Variants in SQOR observed in about 807,000 individuals in gnomAD.
The protein encoded by SQOR is sulfide quinone oxidoreductase.
SQOR carries 39 observed loss-of-function variants against 48.6 expected under a neutral mutation model. The observed-to-expected ratio is 0.80, with a 90% CI of 0.62 to 1.05. The LOEUF is 1.05. Ranked by LOEUF, SQOR falls within the 50% of genes least tolerant of loss-of-function variation. The pLI, the probability that SQOR is intolerant of heterozygous loss-of-function variation, is 0.00. For missense variants in SQOR, 561 were observed against 559.9 expected (o/e 1.00, Z -0.02); for synonymous variants, 220 against 206.2 (o/e 1.07, Z -0.57).
chr15:45,684,198 C>T (rs1338121425), intron 7 of SQOR, among the ~76,000 whole-genome samples: 1 of 152,204 alleles, frequency 6.6e-6, no homozygotes, highest in Non-Finnish European at 1.5e-5. Flanking sequence ...CAGGCGTGAG[C>T]CACCACGCCC....
intron 3 of SQOR, among the ~76,000 whole-genome samples, chr15:45,669,240 G>A (rs776695172): frequency 2.0e-5 from 3 of 150,512 alleles, no homozygotes; most frequent in Non-Finnish European, 4.4e-5. Context: ...TGTGATCTCT[G>A]CTCACTGCAA....
At chr15:45,636,208 AT>A (rs1895002325) in intron 1 of SQOR, among the ~76,000 whole-genome samples, 1 of 152,154 alleles carries the variant, frequency 6.6e-6, no homozygotes, top group Non-Finnish European at 1.5e-5. Context: ...ATGTCAAAAC[AT>A]TAAAAGAATT....
intron 1 of SQOR, among the ~76,000 whole-genome samples, chr15:45,655,776 C>T (rs141732842): frequency 0.017 from 2,511 of 151,524 alleles, 30 homozygotes; most frequent in Middle Eastern, 0.037. Context: ...CTTCGCCTCA[C>T]GGGTTCAAGT....
chr15:45,657,261 C>G (rs1278047741), intron 1 of SQOR, among the ~76,000 whole-genome samples: 1 of 104,482 alleles, frequency 9.6e-6, no homozygotes, highest in East Asian at 2.9e-4. Flanking sequence ...CGTGTGGAGC[C>G]TGCATTTTTT....
intron 3 of SQOR, among the ~76,000 whole-genome samples, chr15:45,663,827 C>T (rs1889764128): frequency 6.6e-6 from 1 of 152,054 alleles, no homozygotes; most frequent in Non-Finnish European, 1.5e-5. Flanking sequence ...CATTTATGAT[C>T]CTTGGCTTTC....
intron 3 of SQOR, among the ~76,000 whole-genome samples, chr15:45,664,830 A>G (rs984080250): frequency 6.6e-6 from 1 of 152,138 alleles, no homozygotes; most frequent in African/African-American, 2.4e-5. Context: ...ATGCATATAT[A>G]TTTATTTTAA....
chr15:45,649,646 AT>A (rs57753215), intron 1 of SQOR, among the ~76,000 whole-genome samples: 2 of 151,322 alleles, frequency 1.3e-5, no homozygotes, highest in Non-Finnish European at 2.9e-5. Context: ...TGCCCAGCTA[AT>A]TTTTTTTGTA....
chr15:45,688,208 C>A (rs868863566), intron 7 of SQOR, 129 bp from the exon 8 acceptor site: 10 of 629,430 alleles, frequency 1.6e-5, no homozygotes, highest in African/African-American at 1.1e-4. Flanking sequence ...GTAAGAAGGT[C>A]ATGTTCTAGT....
intron 1 of SQOR, among the ~76,000 whole-genome samples, chr15:45,650,565 C>G (rs991574358): frequency 6.6e-6 from 1 of 152,190 alleles, no homozygotes; most frequent in Admixed American, 6.5e-5. Flanking sequence ...GAAAGAGGAC[C>G]AGAAAGGACT....
intron 1 of SQOR, among the ~76,000 whole-genome samples, chr15:45,651,529 A>C (rs1889489923): frequency 6.6e-6 from 1 of 152,266 alleles, no homozygotes; most frequent in Non-Finnish European, 1.5e-5. Context: ...GCTGAGAGCG[A>C]GTGAGGGCTG....
intron 6 of SQOR, among the ~76,000 whole-genome samples, chr15:45,677,814 C>T (rs1595507782): frequency 6.6e-6 from 1 of 152,218 alleles, no homozygotes; most frequent in Non-Finnish European, 1.5e-5. Flanking sequence ...GATTCTCTTG[C>T]CTCAGCTTCA....
Position 45,673,604 on chromosome 15 carries a change from C to A in SQOR, c.460-3C>A, listed in dbSNP as rs746736929. ...AAAATAATTTTTGTGTACTTTGTTG[C>A]AGATTAAAGGCCTACCTGAAGGTTT... On this transcript the variant is annotated splice_region_variant and splice_polypyrimidine_tract_variant and intron_variant, in intron 4 of 9. Transcript: ENST00000260324. 4 of 1,608,672 alleles carry A rather than the reference C, an allele frequency of 2.5e-6. No homozygotes were observed. The South Asian group carries it at 3.3e-5, about 13-fold the overall frequency.
intron 1 of SQOR, among the ~76,000 whole-genome samples, chr15:45,641,409 T>G (rs1339006259): frequency 6.6e-6 from 1 of 152,210 alleles, no homozygotes; most frequent in Non-Finnish European, 1.5e-5. Flanking sequence ...CAGCTCCCAG[T>G]CCTTGAATCA....
intron 4 of SQOR, among the ~76,000 whole-genome samples, chr15:45,672,846 C>T (rs1211381694): frequency 6.6e-6 from 1 of 152,240 alleles, no homozygotes; most frequent in Non-Finnish European, 1.5e-5. Flanking sequence ...AAGCAGATAC[C>T]TTATCCCCAT....
chr15:45,686,778 G>A (rs1890232976), intron 7 of SQOR, among the ~76,000 whole-genome samples: 1 of 152,160 alleles, frequency 6.6e-6, no homozygotes, highest in Non-Finnish European at 1.5e-5. Flanking sequence ...TGAATCCCAT[G>A]TTCTACCTCT....
intron 2 of SQOR, among the ~76,000 whole-genome samples, chr15:45,661,068 G>C (rs1221955828): frequency 6.6e-6 from 1 of 152,038 alleles, no homozygotes; most frequent in East Asian, 1.9e-4. Context: ...GATCACCTGA[G>C]GTCAGGAGTT....
chr15:45,648,044 A>T (rs1889379309), intron 1 of SQOR, among the ~76,000 whole-genome samples: 1 of 152,148 alleles, frequency 6.6e-6, no homozygotes, highest in Non-Finnish European at 1.5e-5. Context: ...CTCTACTCAA[A>T]CCCTCAATTT....
chr15:45,661,288 CT>C (rs201354450), intron 2 of SQOR, among the ~76,000 whole-genome samples: 2,249 of 77,610 alleles, frequency 0.029, 393 homozygotes, highest in Middle Eastern at 0.11. Context: ...GAGACTCTGT[CT>C]TAAAAAAAAA....
intron 3 of SQOR, among the ~76,000 whole-genome samples, chr15:45,663,096 C>T (rs1264321153): frequency 6.6e-6 from 1 of 152,184 alleles, no homozygotes; most frequent in African/African-American, 2.4e-5. Flanking sequence ...TGGCTCACTG[C>T]AACCTCTACC....
Sources: allele counts gnomAD v4.1 joint callset (sites outside exome capture counted in the v4.1 genomes callset), GRCh38; gene constraint gnomAD v4.1.1; transcripts MANE v1.5; gene names NCBI Gene and HGNC (gene_info 2026-07-23, HGNC 2026-07-21).